The following ACTR3B variants were observed in gnomAD, a reference collection of about 807,000 sequenced individuals.
ACTR3B encodes the protein actin-related protein 3B.
A neutral mutation model predicts 59.0 loss-of-function variants in ACTR3B; 8 were observed. The ratio of observed to expected loss-of-function variants is 0.14; its 90% CI spans 0.08 to 0.24. The LOEUF (loss-of-function observed/expected upper bound fraction) is 0.24. Among genes scored for constraint, ACTR3B ranks in the 10% least tolerant of loss-of-function variants. The probability of loss-of-function intolerance (pLI) is 1.00; values close to 1 mark genes in which losing one functional copy is unlikely to be tolerated. For synonymous variants in ACTR3B, 148 were observed against 197.9 expected, an observed-to-expected ratio of 0.75 and a Z score of 2.12; for missense variants, 245 against 552.3, an observed-to-expected ratio of 0.44 and a Z score of 5.58.
intron 4 of ACTR3B, chr7:152,811,044 T>G (rs1239421611): frequency 3.3e-5 from 5 of 151,892 alleles, no homozygotes; most frequent in Non-Finnish European, 7.4e-5. Context: ...TTTTTTTAAA[T>G]TGTTCCAAAG....
chr7:152,761,702 A>C (rs117941435), intron 1 of ACTR3B, among the ~76,000 whole-genome samples: 1 of 152,200 alleles, frequency 6.6e-6, no homozygotes, highest in Non-Finnish European at 1.5e-5. Context: ...TATCGAGTGT[A>C]TGGCCAGAAG....
At chr7:152,843,622 A>C (rs1166542131) in intron 9 of ACTR3B, among the ~76,000 whole-genome samples, 2 of 152,228 alleles carry the variant, frequency 1.3e-5, no homozygotes, top group Non-Finnish European at 2.9e-5. Context: ...TTCATACCCT[A>C]CTGAATAATT....
intron 9 of ACTR3B, among the ~76,000 whole-genome samples, chr7:152,836,988 T>C (rs1429544421): frequency 2.0e-5 from 3 of 152,150 alleles, no homozygotes; most frequent in African/African-American, 4.8e-5. Flanking sequence ...CTGGTTGACA[T>C]AGCAAGACCC....
At chr7:152,823,147 C>T (rs1590371288) in intron 7 of ACTR3B, among the ~76,000 whole-genome samples, 195 bp from the exon 8 acceptor site, 1 of 152,118 alleles carries the variant, frequency 6.6e-6, no homozygotes, top group Non-Finnish European at 1.5e-5. Context: ...CTTACCTGTC[C>T]GAAGTCCAAG....
At chr7:152,836,715 G>T (rs1369671484) in intron 9 of ACTR3B, among the ~76,000 whole-genome samples, 17 of 152,204 alleles carry the variant, frequency 1.1e-4, no homozygotes, top group Non-Finnish European at 1.6e-4. Context: ...GTCTGTGCTA[G>T]ATTCGCTGAT....
intron 1 of ACTR3B, among the ~76,000 whole-genome samples, chr7:152,772,066 A>AAAAAC (rs1349277970): frequency 6.6e-6 from 1 of 152,204 alleles, no homozygotes; most frequent in Admixed American, 6.5e-5. Flanking sequence ...ACTCCATCTC[A>AAAAAC]AAAACAAAAC....
chr7:152,780,933 A>G (rs1048789064), intron 1 of ACTR3B, among the ~76,000 whole-genome samples: 4 of 148,470 alleles, frequency 2.7e-5, no homozygotes, highest in African/African-American at 1.0e-4. Context: ...GCAACCTCGA[A>G]CTCCTGGGCT....
chr7:152,818,519 C>T (rs1039766205), intron 6 of ACTR3B, among the ~76,000 whole-genome samples: 8 of 152,058 alleles, frequency 5.3e-5, no homozygotes, highest in African/African-American at 1.7e-4. Context: ...GGCACGATCT[C>T]GGCACACTGC....
At chr7:152,791,468 T>G (rs537235735) in intron 2 of ACTR3B, among the ~76,000 whole-genome samples, 7 of 152,366 alleles carry the variant, frequency 4.6e-5, no homozygotes, top group African/African-American at 1.7e-4. Flanking sequence ...TTTAGAGAGA[T>G]CCTGTGTACA....
intron 2 of ACTR3B, 107 bp from the exon 3 acceptor site, chr7:152,800,424 C>T: frequency 7.1e-7 from 1 of 1,405,084 alleles, no homozygotes; most frequent in Non-Finnish European, 9.6e-7. Context: ...CACATGGAGC[C>T]CTAACAATGA....
In ACTR3B at chr7:152,835,910, G is replaced by A. The variant is rs1247041594; in HGVS notation, c.951+10788G>A. On this transcript the variant is annotated intron_variant, in intron 9 of 11. Transcript: ENST00000256001. ...ACCCGTGGTGCTTAGAACACTCCTG[G>A]CCCATGCGAGGTGCTCAGTAAATGC... is the stretch of plus-strand genomic sequence containing the variant. 5.3e-5 allele frequency among the ~76,000 whole-genome samples: 8 copies of A among 151,450 alleles called. No individual in the cohort carries two copies. The South Asian group carries it at 8.5e-4, about 16-fold the overall frequency.
chr7:152,816,301 T>A (rs1245397694), intron 5 of ACTR3B, among the ~76,000 whole-genome samples, 180 bp from the exon 6 acceptor site: 1 of 151,996 alleles, frequency 6.6e-6, no homozygotes, highest in Admixed American at 6.6e-5. Flanking sequence ...AACATTTTCG[T>A]GTTAGTTGTC....
At chr7:152,839,248 C>A (rs1797696820) in intron 9 of ACTR3B, among the ~76,000 whole-genome samples, 2 of 143,162 alleles carry the variant, frequency 1.4e-5, no homozygotes, top group South Asian at 2.1e-4. Flanking sequence ...CTGTGCTGAG[C>A]ACATGGGCTG....
chr7:152,778,848 T>A (rs1225673884), intron 1 of ACTR3B, among the ~76,000 whole-genome samples: 1 of 144,670 alleles, frequency 6.9e-6, no homozygotes, highest in South Asian at 2.2e-4. Context: ...GAGGCTGAAG[T>A]GGGAGGATCA....
intron 2 of ACTR3B, among the ~76,000 whole-genome samples, chr7:152,797,547 C>T (rs371050387): frequency 2.0e-4 from 30 of 152,142 alleles, no homozygotes; most frequent in Admixed American, 2.6e-4. Flanking sequence ...GCACATAACA[C>T]GTACTCTACA....
At chr7:152,768,205 A>G (rs2098115613) in intron 1 of ACTR3B, among the ~76,000 whole-genome samples, 1 of 152,278 alleles carries the variant, frequency 6.6e-6, no homozygotes, top group South Asian at 2.1e-4. Context: ...CCTGGGCAAC[A>G]GAGCCAGACG....
intron 9 of ACTR3B, among the ~76,000 whole-genome samples, chr7:152,828,978 A>T (rs1376267052): frequency 6.6e-6 from 1 of 151,776 alleles, no homozygotes; most frequent in Non-Finnish European, 1.5e-5. Flanking sequence ...TATAATTTTT[A>T]ATTTTTATGA....
chr7:152,763,607 T>C (rs2098097887), intron 1 of ACTR3B, among the ~76,000 whole-genome samples: 1 of 151,966 alleles, frequency 6.6e-6, no homozygotes, highest in African/African-American at 2.4e-5. Context: ...GTATTTTTGG[T>C]AGAGACGGGA....
chr7:152,820,909 G>A (rs1796093079), intron 7 of ACTR3B, among the ~76,000 whole-genome samples: 1 of 152,264 alleles, frequency 6.6e-6, no homozygotes, highest in African/African-American at 2.4e-5. Context: ...GTTTCTGAGT[G>A]TAGCAGAGCT....
Sources: allele counts gnomAD v4.1 joint callset (sites outside exome capture counted in the v4.1 genomes callset), GRCh38; gene constraint gnomAD v4.1.1; transcripts MANE v1.5; gene names NCBI Gene and HGNC (gene_info 2026-07-23, HGNC 2026-07-21).